The following PRKCE variants were observed in gnomAD, a reference collection of about 807,000 sequenced individuals.
The protein encoded by PRKCE is protein kinase C epsilon type.
PRKCE carries 16 observed loss-of-function variants against 85.4 expected under a neutral mutation model. That is an observed-to-expected ratio of 0.19 (90% CI 0.13 to 0.28). The LOEUF (loss-of-function observed/expected upper bound fraction) is 0.28. Ranked by LOEUF, PRKCE falls within the 10% of genes least tolerant of loss-of-function variation. The pLI is 1.00. For synonymous variants in PRKCE, 388 were observed against 371.5 expected, an observed-to-expected ratio of 1.04 and a Z score of -0.51; for missense variants, 573 against 975.2, an observed-to-expected ratio of 0.59 and a Z score of 5.49.
At chr2:45,873,503 G>C (rs1488086363) in intron 2 of PRKCE, among the ~76,000 whole-genome samples, 1 of 151,610 alleles carries the variant, frequency 6.6e-6, no homozygotes, top group Non-Finnish European at 1.5e-5. Context: ...CTTCACCACA[G>C]ATAGGTTGAG....
chr2:46,128,252 A>G (rs1010130104), intron 11 of PRKCE, among the ~76,000 whole-genome samples: 4 of 152,204 alleles, frequency 2.6e-5, no homozygotes, highest in Non-Finnish European at 2.9e-5. Flanking sequence ...AGATATTCGA[A>G]TCTGTTTACA....
intron 11 of PRKCE, among the ~76,000 whole-genome samples, chr2:46,103,595 T>C (rs1162228680): frequency 6.6e-6 from 1 of 152,178 alleles, no homozygotes; most frequent in Admixed American, 6.5e-5. Context: ...TGAAAATCTG[T>C]GTATAACTTT....
At chr2:45,841,254 C>T (rs1691324760) in intron 1 of PRKCE, among the ~76,000 whole-genome samples, 1 of 152,138 alleles carries the variant, frequency 6.6e-6, no homozygotes, top group Non-Finnish European at 1.5e-5. Flanking sequence ...AAGGTGAAGT[C>T]CCACAATAGG....
At position 46,131,415 on chromosome 2, in the gene PRKCE, T is replaced by C. The variant is rs149510656; in HGVS notation, c.1593-13678T>C. 2.4e-3 allele frequency among the ~76,000 whole-genome samples: 361 copies of C among 152,358 alleles called. 3 individuals are homozygous for C. Among genetic ancestry groups the C allele is most frequent in the African/African-American group, 7.8e-3 (324 of 41,574 alleles). On this transcript the variant is annotated intron_variant, in intron 11 of 14. Coordinates refer to ENST00000306156, the MANE Select transcript of PRKCE (RefSeq NM_005400.3). ...CATATCAAGCCATAAGGGTCCACCT[T>C]AGCTCAATGACACTGAGCAGATTTG...
intron 2 of PRKCE, among the ~76,000 whole-genome samples, chr2:45,948,082 A>G (rs1700359431): frequency 6.6e-6 from 1 of 152,324 alleles, no homozygotes. Context: ...ATAACTGGAG[A>G]ACAATTTGTG....
At chr2:45,959,143 G>A (rs1167064887) in intron 2 of PRKCE, among the ~76,000 whole-genome samples, 1 of 151,922 alleles carries the variant, frequency 6.6e-6, no homozygotes, top group Non-Finnish European at 1.5e-5. Flanking sequence ...AAAATGCACC[G>A]TGCTTCCTCA....
At chr2:46,037,632 C>A (rs924501705) in intron 10 of PRKCE, among the ~76,000 whole-genome samples, 1 of 152,172 alleles carries the variant, frequency 6.6e-6, no homozygotes, top group Non-Finnish European at 1.5e-5. Context: ...ACCAATAATA[C>A]ATTTCAAGAA....
chr2:46,025,323 G>A (rs1707018107), intron 10 of PRKCE, among the ~76,000 whole-genome samples: 1 of 152,190 alleles, frequency 6.6e-6, no homozygotes. Context: ...AGCCAGGGAC[G>A]AAGTGTTCTG....
intron 1 of PRKCE, among the ~76,000 whole-genome samples, chr2:45,820,783 T>C (rs541177832): frequency 1.3e-5 from 2 of 152,296 alleles, no homozygotes; most frequent in East Asian, 3.9e-4. Flanking sequence ...GATTTTTGCA[T>C]TGTCCCTGCA....
intron 1 of PRKCE, among the ~76,000 whole-genome samples, chr2:45,726,564 G>A (rs867670237): frequency 3.3e-5 from 5 of 152,094 alleles, no homozygotes; most frequent in Admixed American, 6.5e-5. Context: ...TAATTACATC[G>A]TACACACAAT....
chr2:45,850,217 G>A (rs182492852), intron 2 of PRKCE, among the ~76,000 whole-genome samples: 31 of 152,312 alleles, frequency 2.0e-4, no homozygotes, highest in African/African-American at 5.8e-4. Context: ...TTACAGGAGC[G>A]TAGATATATA....
At chr2:45,877,089 A>G (rs78572842) in intron 2 of PRKCE, among the ~76,000 whole-genome samples, 3 of 101,788 alleles carry the variant, frequency 2.9e-5, no homozygotes, top group East Asian at 1.1e-3. Context: ...GCATGGTTTT[A>G]TTTGTTTGTT....
At chr2:45,966,112 C>A (rs551429514) in intron 2 of PRKCE, among the ~76,000 whole-genome samples, 1 of 152,248 alleles carries the variant, frequency 6.6e-6, no homozygotes, top group Non-Finnish European at 1.5e-5. Context: ...TGGGAAATCC[C>A]AAACTGACAT....
chr2:45,814,700 C>G (rs1344817303), intron 1 of PRKCE, among the ~76,000 whole-genome samples: 1 of 152,206 alleles, frequency 6.6e-6, no homozygotes, highest in African/African-American at 2.4e-5. Context: ...TTTTAGACCT[C>G]AGGCACATTC....
intron 1 of PRKCE, among the ~76,000 whole-genome samples, chr2:45,728,125 A>C (rs1452192173): frequency 2.0e-5 from 3 of 152,128 alleles, no homozygotes; most frequent in African/African-American, 7.2e-5. Context: ...GTATTTTTCA[A>C]AGTGTGACTC....
At chr2:45,949,119 A>C (rs1170462727) in intron 2 of PRKCE, among the ~76,000 whole-genome samples, 1 of 152,222 alleles carries the variant, frequency 6.6e-6, no homozygotes, top group Admixed American at 6.5e-5. Context: ...AGATATATAC[A>C]TGTATACTGA....
chr2:45,677,892 A>G (rs1676600316), intron 1 of PRKCE: 5 of 985,378 alleles, frequency 5.1e-6, no homozygotes, highest in Non-Finnish European at 3.6e-6. Flanking sequence ...ACACCACGGA[A>G]GTTCTGAAGG....
intron 11 of PRKCE, among the ~76,000 whole-genome samples, chr2:46,102,298 C>T (rs1671318460): frequency 1.3e-5 from 2 of 152,198 alleles, no homozygotes; most frequent in Non-Finnish European, 2.9e-5. Context: ...GGTTCCTTTA[C>T]ATCTCTGGCC....
Position 45,985,721 on chromosome 2 carries a change from A to G in PRKCE, c.823+1041A>G, listed in dbSNP as rs140838734. On this transcript the variant is annotated intron_variant, in intron 6 of 14. Coordinates refer to ENST00000306156, the MANE Select transcript of PRKCE (RefSeq NM_005400.3). ...GAATGATTTATTGGATGTAGTGACCAGAAGCAGCTGGGAGGGCAGTGATAG... is the reference window on the plus strand; with the variant it reads ...GAATGATTTATTGGATGTAGTGACCGGAAGCAGCTGGGAGGGCAGTGATAG... 8.2e-4 allele frequency among the ~76,000 whole-genome samples: 125 copies of G among 152,296 alleles called. 2 individuals are homozygous for G. The East Asian group carries it at 0.022, about 26-fold the overall frequency.
Sources: allele counts gnomAD v4.1 joint callset (sites outside exome capture counted in the v4.1 genomes callset), GRCh38; gene constraint gnomAD v4.1.1; transcripts MANE v1.5; gene names NCBI Gene and HGNC (gene_info 2026-07-23, HGNC 2026-07-21).